ACSL6: variants seen among roughly 807,000 people sequenced by gnomAD.
ACSL6 encodes acyl-CoA synthetase long chain family member 6, also known as long-chain-fatty-acid--CoA ligase 6.
ACSL6 carries 47 observed loss-of-function variants against 98.2 expected under a neutral mutation model. That is an observed-to-expected ratio of 0.48 (90% confidence interval 0.38 to 0.61). The LOEUF is 0.61. ACSL6 is among the 20% of genes least tolerant of loss of function. ACSL6 has a pLI of 0.00. For missense variants in ACSL6, 761 were observed against 913.4 expected (o/e 0.83, Z 2.15); for synonymous variants, 362 against 336.9 (o/e 1.07, Z -0.82).
intron 2 of ACSL6, among the ~76,000 whole-genome samples, chr5:131,991,570 G>T (rs1204260304): frequency 2.0e-5 from 3 of 152,214 alleles, no homozygotes; most frequent in Admixed American, 2.0e-4. Flanking sequence ...GGGGAGGAGA[G>T]GCAGGCAGCA....
rs2126888213 is a variant in ACSL6 at position 131,988,033 on chromosome 5, G to A, written c.831+15C>T. 6.2e-7 allele frequency: 1 copy of A among 1,611,714 alleles called. No individual in the cohort carries two copies. The highest frequency in any genetic ancestry group is 8.5e-7 in the Non-Finnish European group (1 of 1,178,336). On this transcript the variant is annotated intron_variant, in intron 7 of 20. Transcript: ENST00000651883. ...CAGCAGTAGCCCAGCAAACCGCCCA[G>A]AAGCAGACCCTCACCTCCACGGCCT...
upstream of ACSL6, chr5:132,012,021 C>T: frequency 1.4e-6 from 2 of 1,419,562 alleles, no homozygotes; most frequent in Non-Finnish European, 1.9e-6. Flanking sequence ...CGCGACCCTG[C>T]CCCCGCGCGA....
chr5:131,954,132 T>G lies in ACSL6; in HGVS notation c.*102A>C. 6 of 1,259,794 alleles carry G rather than the reference T, an allele frequency of 4.8e-6. No homozygotes were observed. Among genetic ancestry groups the G allele is most frequent in the Non-Finnish European group, 6.3e-6 (6 of 953,058 alleles). The allele number at this position is 1,259,794 out of a possible 1,614,324, so 78.0% of individuals were successfully genotyped here. ...GAAAAGGCTCAGTCATAAAATCAGA[T>G]GCTTATTCATTTTCAGCTGTGTCAT... On this transcript the variant is annotated 3_prime_UTR_variant, in exon 21 of 21. Coordinates refer to ENST00000651883, the MANE Select transcript of ACSL6 (RefSeq NM_001009185.3).
intron 17 of ACSL6, among the ~76,000 whole-genome samples, chr5:131,964,538 G>A (rs1224641889): frequency 1.3e-5 from 2 of 152,200 alleles, no homozygotes; most frequent in African/African-American, 4.8e-5. Flanking sequence ...CCCCTAAATG[G>A]TGAATGGTTT....
intron 1 of ACSL6, among the ~76,000 whole-genome samples, chr5:132,003,131 C>T (rs1209743325): frequency 6.6e-6 from 1 of 152,196 alleles, no homozygotes; most frequent in Non-Finnish European, 1.5e-5. Flanking sequence ...CATTTTCTGG[C>T]AAATTTGGTA....
At position 131,988,791 on chromosome 5, in the gene ACSL6, G is replaced by T; in HGVS notation, c.652+14C>A. ...CCAGTTGCCAGTGGCAGGGTGGGGT[G>T]GCAGTGGGCTTACCTGTATTGATGA... On this transcript the variant is annotated intron_variant, in intron 6 of 20. Transcript: ENST00000651883. 6.2e-7 allele frequency: 1 copy of T among 1,612,786 alleles called. No individual in the cohort carries two copies. Among genetic ancestry groups the T allele is most frequent in the East Asian group, 2.2e-5 (1 of 44,874 alleles).
chr5:131,960,779 T>A, intron 18 of ACSL6, 158 bp from the exon 19 acceptor site: 1 of 547,830 alleles, frequency 1.8e-6, no homozygotes, highest in Non-Finnish European at 3.2e-6. Flanking sequence ...TGCCAATATA[T>A]CATACCATTC....
At chr5:131,959,685 G>A in intron 19 of ACSL6, 78 bp from the exon 20 acceptor site, 2 of 1,379,586 alleles carry the variant, frequency 1.4e-6, no homozygotes, top group Non-Finnish European at 2.1e-6. Flanking sequence ...ACACTTTTGG[G>A]TAAAGTACAA....
At chr5:131,969,544 C>A (rs1753189977) in intron 15 of ACSL6, among the ~76,000 whole-genome samples, 1 of 151,864 alleles carries the variant, frequency 6.6e-6, no homozygotes, top group African/African-American at 2.4e-5. Context: ...TCACAAGATA[C>A]AACTCCAGAT....
At chr5:131,975,333 C>T (rs769759441) in intron 10 of ACSL6, 425 of 985,242 alleles carry the variant, frequency 4.3e-4, no homozygotes, top group Non-Finnish European at 5.0e-4. Context: ...GAGGGCCTGC[C>T]CCTCACTTGC....
At chr5:131,975,700 C>A in intron 10 of ACSL6, 2 of 985,348 alleles carry the variant, frequency 2.0e-6, no homozygotes, top group Non-Finnish European at 2.4e-6. Flanking sequence ...ACAGATGGGA[C>A]TGACCCTAGG....
chr5:131,999,297 G>C (rs1754948754), intron 1 of ACSL6: 1 of 152,260 alleles, frequency 6.6e-6, no homozygotes, highest in East Asian at 1.9e-4. Flanking sequence ...GCAGTGCCAG[G>C]CATGTAGTAA....
chr5:131,983,481 G>A (rs1451895656), intron 9 of ACSL6: 2 of 152,236 alleles, frequency 1.3e-5, no homozygotes, highest in African/African-American at 2.4e-5. Context: ...CCCATGAAAA[G>A]AACAATGTGG....
Position 132,011,424 on chromosome 5 carries a change from A to C in ACSL6, c.49+81T>G. 6.9e-7 allele frequency: 1 copy of C among 1,455,210 alleles called. No homozygotes were observed. The highest frequency in any genetic ancestry group is 9.6e-7 in the Non-Finnish European group (1 of 1,041,102). 90.1% of individuals were successfully genotyped at this position (1,455,210 alleles called of 1,614,324 possible). A position where few individuals can be genotyped will look rare whatever the true frequency, so the allele number is the denominator to read the frequency against. On this transcript the variant is annotated intron_variant, in intron 1 of 20. Transcript: ENST00000651883. This position sits in a 1 kb window ranked among gnomAD's most constrained non-coding sequence, Gnocchi z 5.4. ...GGATGGGGGCTCGGCGGCCGCGGAG[A>C]TGTAACACCTCCACCTCGGGCGAAG...
intron 2 of ACSL6, among the ~76,000 whole-genome samples, chr5:131,991,943 C>A (rs989922972): frequency 6.6e-6 from 1 of 152,212 alleles, no homozygotes; most frequent in Non-Finnish European, 1.5e-5. Context: ...CCACCTAAGA[C>A]CTGCAAGAGA....
intron 9 of ACSL6, chr5:131,985,199 A>G (rs1580669039): frequency 9.7e-6 from 6 of 617,896 alleles, no homozygotes; most frequent in South Asian, 9.1e-5. Context: ...CTCACACTGG[A>G]CCTCCCAATG....
chr5:131,976,841 C>G (rs1753646813), intron 9 of ACSL6, 120 bp from the exon 10 acceptor site: 1 of 774,208 alleles, frequency 1.3e-6, no homozygotes, highest in Non-Finnish European at 2.3e-6. Context: ...TGGCCTTTGT[C>G]TTCAGCCACC....
chr5:131,960,722 A>G, intron 18 of ACSL6, 101 bp from the exon 19 acceptor site: 1 of 794,670 alleles, frequency 1.3e-6, no homozygotes, highest in South Asian at 1.9e-5. Flanking sequence ...TTTTTCAAAA[A>G]CTAAGTATAT....
chr5:131,965,373 G>A (rs963729442), intron 17 of ACSL6, among the ~76,000 whole-genome samples: 1 of 152,170 alleles, frequency 6.6e-6, no homozygotes, highest in East Asian at 1.9e-4. Flanking sequence ...AATCTCATTT[G>A]TTCCTCACAA....
Sources: gnomAD v4.1 joint callset for allele counts (sites outside exome capture counted in the v4.1 genomes callset) on GRCh38, gnomAD v4.1.1 for gene constraint, Gnocchi (gnomAD v3.1) non-coding constraint, MANE v1.5 for transcripts, NCBI Gene and HGNC (gene_info 2026-07-23, HGNC 2026-07-21) for gene names.